Variants in CELF2 observed in about 807,000 individuals in gnomAD.
CELF2 encodes CUGBP Elav-like family member 2.
In CELF2, 8 loss-of-function variants were observed where a neutral mutation model predicts 62.6. The observed-to-expected ratio is 0.13, with a 90% CI of 0.07 to 0.23. The LOEUF is 0.23. Among genes scored for constraint, CELF2 ranks in the 10% least tolerant of loss-of-function variants. CELF2 has a pLI of 1.00. For missense variants in CELF2, 333 were observed against 671.0 expected, an observed-to-expected ratio of 0.50 and a Z score of 5.56; for synonymous variants, 258 against 250.0, an observed-to-expected ratio of 1.03 and a Z score of -0.30.
Position 11,288,470 on chromosome 10 carries a change from T to C in CELF2, c.894T>C (p.Ala298=). 1 of 1,613,970 alleles carries C rather than the reference T, an allele frequency of 6.2e-7. No homozygotes were observed. Among genetic ancestry groups the C allele is most frequent in the South Asian group, 1.1e-5 (1 of 91,080 alleles). Residue 298 remains alanine (A), a synonymous_variant, in exon 9 of 13, where the codon GCT becomes GCC. Transcript: ENST00000633077. The part of the protein sequence containing the change: ...QNLATLAAAA[A]AAQTSATSTN... ...TGGCGACGCTGGCTGCTGCTGCAGC[T>C]GCGGCCCAGACCTCAGCCACCAGCA...
intron 1 of CELF2, among the ~76,000 whole-genome samples, chr10:11,108,741 C>G (rs2054343968): frequency 6.6e-6 from 1 of 152,226 alleles, no homozygotes; most frequent in Non-Finnish European, 1.5e-5. Flanking sequence ...TCATTCTAAT[C>G]TGATAGCTGT....
chr10:10,703,935 A>C, the CELF2 span, among the ~76,000 whole-genome samples: 6 of 152,214 alleles, frequency 3.9e-5, no homozygotes, highest in African/African-American at 1.2e-4. Context: ...TTCTGCCTTG[A>C]AAGATCTGTG....
At chr10:10,747,439 G>C in the CELF2 span, among the ~76,000 whole-genome samples, 1 of 152,148 alleles carries the variant, frequency 6.6e-6, no homozygotes, top group African/African-American at 2.4e-5. Flanking sequence ...TGCAACGAAG[G>C]AAAGGGGAAG....
At chr10:11,323,379 T>G (rs1332399360) in intron 11 of CELF2, among the ~76,000 whole-genome samples, 1 of 150,846 alleles carries the variant, frequency 6.6e-6, no homozygotes, top group Admixed American at 6.6e-5. Context: ...CTTATTAGTT[T>G]AAGTAAAACA....
chr10:10,693,219 A>AG, the CELF2 span, among the ~76,000 whole-genome samples: 7 of 124,888 alleles, frequency 5.6e-5, no homozygotes, highest in Admixed American at 3.3e-4. Flanking sequence ...TTTAGCATGA[A>AG]GGGTTGTTGA....
In CELF2 at chr10:10,976,925, G is replaced by A. The variant is rs192567628; in HGVS notation, c.89+56926G>A. ...CAGATAACCCTTCTTCTGCCTAAAC[G>A]GCTCAAGCACAGACTTTTCTGCTGT... On this transcript the variant is annotated intron_variant, in intron 2 of 13. Transcript: ENST00000636488. Among the ~76,000 whole-genome samples, 172 of 152,154 alleles carry A rather than the reference G, an allele frequency of 1.1e-3. 1 individual carries two copies. The highest frequency in any genetic ancestry group is 0.01 in the Middle Eastern group (3 of 294).
At chr10:11,125,443 A>G (rs1484747819) in intron 1 of CELF2, among the ~76,000 whole-genome samples, 1 of 59,254 alleles carries the variant, frequency 1.7e-5, no homozygotes, top group Non-Finnish European at 2.9e-5. Context: ...GTAACTGGAT[A>G]AAAAAAAAAA....
intron 2 of CELF2, among the ~76,000 whole-genome samples, chr10:11,212,066 T>C (rs2061990783): frequency 6.6e-6 from 1 of 152,248 alleles, no homozygotes; most frequent in African/African-American, 2.4e-5. Flanking sequence ...TCTCCACTTC[T>C]GATCCATGAT....
chr10:10,601,883 C>T, the CELF2 span, among the ~76,000 whole-genome samples: 263 of 152,140 alleles, frequency 1.7e-3, no homozygotes, highest in Admixed American at 3.8e-3. Context: ...TAATGTTCTC[C>T]CTCCCCAAAC....
chr10:10,839,452 A>T lies in CELF2; in HGVS notation c.53+40635A>T, dbSNP rs140154809. On this transcript the variant is annotated intron_variant, in intron 1 of 13. Transcript: ENST00000636488. ...CTTTATGCCATCCATTTATGTATAC[A>T]TTCAATTTCACGTGTATAGTGGTTT... Among the ~76,000 whole-genome samples, 1,014 of 152,318 alleles carry T rather than the reference A, an allele frequency of 6.7e-3. 41 individuals are homozygous for T. Among genetic ancestry groups the T allele is most frequent in the Admixed American group, 0.062 (947 of 15,280 alleles).
At chr10:10,875,793 T>G (rs2061048949) in intron 1 of CELF2, among the ~76,000 whole-genome samples, 1 of 152,230 alleles carries the variant, frequency 6.6e-6, no homozygotes, top group Non-Finnish European at 1.5e-5. Flanking sequence ...TTGAGGTTAC[T>G]CTCCATACAT....
intron 1 of CELF2, among the ~76,000 whole-genome samples, chr10:10,878,142 C>T (rs1207839230): frequency 6.6e-6 from 1 of 152,142 alleles, no homozygotes; most frequent in Non-Finnish European, 1.5e-5. Flanking sequence ...ATGAACACCA[C>T]CTCCTACACT....
intron 1 of CELF2, among the ~76,000 whole-genome samples, chr10:10,893,847 A>C (rs1427985766): frequency 6.6e-6 from 1 of 152,142 alleles, no homozygotes; most frequent in Non-Finnish European, 1.5e-5. Flanking sequence ...TAAACTGTTC[A>C]TGAGAAACCT....
the CELF2 span, among the ~76,000 whole-genome samples, chr10:10,644,420 T>A: frequency 6.6e-6 from 1 of 151,848 alleles, no homozygotes; most frequent in East Asian, 1.9e-4. Context: ...TGTGTGTGTG[T>A]GTGTGTGTTT....
At chr10:10,764,195 T>A in the CELF2 span, among the ~76,000 whole-genome samples, 1 of 152,240 alleles carries the variant, frequency 6.6e-6, no homozygotes, top group African/African-American at 2.4e-5. Flanking sequence ...ATGATACACT[T>A]TATTGTGTGC....
rs570569166 is a variant in CELF2, at chr10:11,128,466, G to A, written c.75-37020G>A. Among the ~76,000 whole-genome samples, 245 of 152,248 alleles carry A rather than the reference G, an allele frequency of 1.6e-3. 1 individual carries two copies. The highest frequency in any genetic ancestry group is 2.4e-3 in the Non-Finnish European group (160 of 68,012). ...GCATTCAATCTATAAATTACCTTGG[G>A]CAGTATGGCCATTTTCACGATATTG... On this transcript the variant is annotated intron_variant, in intron 1 of 12. Transcript: ENST00000633077.
chr10:11,225,977 G>C (rs530645774), intron 3 of CELF2, among the ~76,000 whole-genome samples: 19 of 152,342 alleles, frequency 1.2e-4, no homozygotes, highest in Non-Finnish European at 2.6e-4. Flanking sequence ...AAGCAGTGAT[G>C]GAACTGGAAT....
intron 1 of CELF2, among the ~76,000 whole-genome samples, chr10:10,895,174 C>A (rs570911600): frequency 6.6e-6 from 1 of 152,262 alleles, no homozygotes; most frequent in South Asian, 2.1e-4. Flanking sequence ...GGAGATCAAA[C>A]CCCTGAGCCC....
At chr10:10,783,640 T>C in the CELF2 span, among the ~76,000 whole-genome samples, 1 of 152,328 alleles carries the variant, frequency 6.6e-6, no homozygotes, top group Non-Finnish European at 1.5e-5. Context: ...GTTGAAGTTC[T>C]AAGCAACAAT....
Sources: allele counts gnomAD v4.1 joint callset (sites outside exome capture counted in the v4.1 genomes callset), GRCh38; gene constraint gnomAD v4.1.1; transcripts MANE v1.5; gene names NCBI Gene and HGNC (gene_info 2026-07-23, HGNC 2026-07-21).